HTRA3: variants seen among roughly 807,000 people sequenced by gnomAD.
HTRA3 encodes HtrA serine peptidase 3.
HTRA3 carries 41 observed loss-of-function variants against 43.2 expected under a neutral mutation model. The observed-to-expected ratio is 0.95, with a 90% CI of 0.74 to 1.23. HTRA3 has a LOEUF of 1.23. Ranked by LOEUF, HTRA3 falls within the 50% of genes most tolerant of loss-of-function variation. The pLI, the probability that HTRA3 is intolerant of heterozygous loss-of-function variation, is 0.00. For synonymous variants in HTRA3, 295 were observed against 287.9 expected (o/e 1.02, Z -0.25); for missense variants, 628 against 647.1 (o/e 0.97, Z 0.32).
rs958294355 is a variant in HTRA3 at position 8,296,886 on chromosome 4, AGACATCACAGAGTTCCCAGATCTCT to A, written c.1051+2696_1051+2720del. ...AAAGACATGTGCTTTCCCTGGTCTC[AGACATCACAGAGTTCCCAGATCTCT>A]GACATCACAGGATTCCTCGATCTCA... On this transcript the variant is annotated intron_variant, in intron 6 of 8. Coordinates refer to ENST00000307358, the MANE Select transcript of HTRA3 (RefSeq NM_053044.5). The surrounding 1 kb of genome is among the most constrained non-coding windows in gnomAD (Gnocchi z 5.3). Among the ~76,000 whole-genome samples, 6 of 152,176 alleles carry A rather than the reference AGACATCACAGAGTTCCCAGATCTCT, an allele frequency of 3.9e-5. No homozygotes were observed. Among genetic ancestry groups the A allele is most frequent in the East Asian group, 1.9e-4 (1 of 5,184 alleles).
chr4:8,298,078 C>T lies in HTRA3; in HGVS notation c.1051+3877C>T, dbSNP rs140663982. 2.9e-4 allele frequency among the ~76,000 whole-genome samples: 44 copies of T among 152,330 alleles called. No homozygotes were observed. In the East Asian group the frequency reaches 6.2e-3, roughly 21 times the overall value. On this transcript the variant is annotated intron_variant, in intron 6 of 8. Coordinates refer to ENST00000307358, the MANE Select transcript of HTRA3 (RefSeq NM_053044.5). ...CCACCTCCACCTCCGGGTCCAGCAC[C>T]GGGGCACTCGCTGCCCTGGACCGTT... is the stretch of plus-strand genomic sequence containing the variant.
intron 6 of HTRA3, among the ~76,000 whole-genome samples, chr4:8,301,596 C>A (rs1713659836): frequency 6.6e-6 from 1 of 151,948 alleles, no homozygotes; most frequent in South Asian, 2.1e-4. Context: ...TTTATTTGGT[C>A]TTTTTATAGT....
In HTRA3 at chr4:8,270,347, C is replaced by G. The variant is rs753066506; in HGVS notation, c.379C>G (p.Pro127Ala). ...GCGCCAGCTGCAGAAGGGCGCCTGCCCGTTGGGTAAGCGCTCGGGGGCCAG... is the reference window on the plus strand; with the variant it reads ...GCGCCAGCTGCAGAAGGGCGCCTGCGCGTTGGGTAAGCGCTCGGGGGCCAG... ...PVRQLQKGAC[P>A]LGLHQLSSPR... Residue 127 changes from proline (P) to alanine (A), a missense_variant, in exon 1 of 9, where the codon CCG becomes GCG. Coordinates refer to ENST00000307358, the MANE Select transcript of HTRA3 (RefSeq NM_053044.5). 1 of 1,411,198 alleles carries G rather than the reference C, an allele frequency of 7.1e-7. No individual in the cohort carries two copies. The highest frequency in any genetic ancestry group is 9.2e-7 in the Non-Finnish European group (1 of 1,089,292). The allele number at this position is 1,411,198 out of a possible 1,614,324, so 87.4% of individuals were successfully genotyped here. A position where few individuals can be genotyped will look rare whatever the true frequency, so the allele number is the denominator to read the frequency against.
At chr4:8,285,232 A>T (rs1712908402) in intron 2 of HTRA3, among the ~76,000 whole-genome samples, 1 of 152,212 alleles carries the variant, frequency 6.6e-6, no homozygotes, top group South Asian at 2.1e-4. Context: ...TCACATTCAC[A>T]GTCACATGGG....
intron 8 of HTRA3, among the ~76,000 whole-genome samples, chr4:8,305,394 C>T (rs76124960): frequency 0.012 from 1,796 of 152,376 alleles, 26 homozygotes; most frequent in African/African-American, 0.041. Flanking sequence ...CCTGCCCTCA[C>T]CCATTTTACA....
intron 1 of HTRA3, among the ~76,000 whole-genome samples, chr4:8,273,644 G>C (rs1460821742): frequency 6.6e-6 from 1 of 151,778 alleles, no homozygotes; most frequent in East Asian, 1.9e-4. Flanking sequence ...GGAGATGCCT[G>C]CTGAGCCGCC....
Position 8,294,175 on chromosome 4 carries a change from C to G in HTRA3, c.1025C>G (p.Thr342Arg), listed in dbSNP as rs772690526. 1.2e-6 allele frequency: 2 copies of G among 1,612,114 alleles called. No individual in the cohort carries two copies. The highest frequency in any genetic ancestry group is 1.1e-5 in the South Asian group (1 of 90,862). The change falls in exon 6 of 9, where the codon ACA becomes AGA. Residue 342 changes from threonine (T) to arginine (R), a missense_variant. Coordinates refer to ENST00000307358, the MANE Select transcript of HTRA3 (RefSeq NM_053044.5). ...TCAGACCGCATCACACGGTTCCTCA[C>G]AGAGTTCCAAGACAAGCAGATCAAA... ...IPSDRITRFL[T>R]EFQDKQIKDW...
Position 8,291,504 on chromosome 4 carries a change from C to T in HTRA3, c.843C>T (p.Gly281=), listed in dbSNP as rs1713240651. Residue 281 remains glycine (G), a synonymous_variant, in exon 4 of 9, where the codon GGC becomes GGT. Coordinates refer to ENST00000307358, the MANE Select transcript of HTRA3 (RefSeq NM_053044.5). ...TGIVSTAQRE[G]RELGLRDSDM... ...TCGTCAGCACTGCCCAGCGGGAGGG[C>T]AGGGAGCTGGGCCTCCGGGACTCCG... 1.9e-6 allele frequency: 3 copies of T among 1,612,610 alleles called. No individual in the cohort carries two copies. The highest frequency in any genetic ancestry group is 2.5e-6 in the Non-Finnish European group (3 of 1,179,750).
rs538469588 is a variant in HTRA3 at position 8,296,268 on chromosome 4, C to A, written c.1051+2067C>A. ...CTCCTTTGTTGTACAGGGGCTGTCC[C>A]AGTTAGTGCTGACCTCATCCCAGAA... On this transcript the variant is annotated intron_variant, in intron 6 of 8. Transcript: ENST00000307358. The surrounding 1 kb of genome is among the most constrained non-coding windows in gnomAD (Gnocchi z 5.3). 1 of 985,580 alleles carries A rather than the reference C, an allele frequency of 1.0e-6. No individual in the cohort carries two copies. Among genetic ancestry groups the A allele is most frequent in the East Asian group, 1.1e-4 (1 of 8,802 alleles). The allele number at this position is 985,580 out of a possible 1,614,324, so 61.1% of individuals were successfully genotyped here.
At chr4:8,274,274 G>C (rs532649089) in intron 1 of HTRA3, among the ~76,000 whole-genome samples, 8 of 152,216 alleles carry the variant, frequency 5.3e-5, no homozygotes, top group South Asian at 2.1e-4. Context: ...GCCTTAGCGT[G>C]GTGGGTTCCT....
At position 8,297,802 on chromosome 4, in the gene HTRA3, T is replaced by C. The variant is rs1279332927; in HGVS notation, c.1051+3601T>C. On this transcript the variant is annotated intron_variant, in intron 6 of 8. Coordinates refer to ENST00000307358, the MANE Select transcript of HTRA3 (RefSeq NM_053044.5). The surrounding 1 kb of genome is among the most constrained non-coding windows in gnomAD (Gnocchi z 5.8). ...TTTACGCCTCCAGCCTGGCCCCTCC[T>C]GCTCCAGGCTCAGACGCGCAGCTGC... Among the ~76,000 whole-genome samples the C allele has an allele frequency of 2.0e-5, 3 of 152,104 alleles. No homozygotes were observed. Among genetic ancestry groups the C allele is most frequent in the African/African-American group, 7.2e-5 (3 of 41,418 alleles).
rs12642594 is a variant in HTRA3 at position 8,279,964 on chromosome 4, A to T, written c.386-2473A>T. Among the ~76,000 whole-genome samples, 2,324 of 152,094 alleles carry T rather than the reference A, an allele frequency of 0.015. 66 individuals carry two copies. The highest frequency in any genetic ancestry group is 0.053 in the African/African-American group (2,201 of 41,472). On this transcript the variant is annotated intron_variant, in intron 1 of 8. Transcript: ENST00000307358. This position sits in a 1 kb window ranked among gnomAD's most constrained non-coding sequence, Gnocchi z 7.4. ...GGGCACACAGGAGGCACCCTGCACGAGTGGCTTGAATAAGGCTGTGAGCAG... is the reference window on the plus strand; with the variant it reads ...GGGCACACAGGAGGCACCCTGCACGTGTGGCTTGAATAAGGCTGTGAGCAG...
chr4:8,277,627 G>T (rs1410484480), intron 1 of HTRA3, among the ~76,000 whole-genome samples: 1 of 152,250 alleles, frequency 6.6e-6, no homozygotes, highest in Non-Finnish European at 1.5e-5. Flanking sequence ...CAAAGGCACA[G>T]TGACACTTAG....
At chr4:8,288,063 A>G (rs1713066475) in intron 3 of HTRA3, among the ~76,000 whole-genome samples, 1 of 152,156 alleles carries the variant, frequency 6.6e-6, no homozygotes, top group Non-Finnish European at 1.5e-5. Context: ...ATGAACGTTT[A>G]CAGCATTTGT....
intron 8 of HTRA3, among the ~76,000 whole-genome samples, chr4:8,304,849 G>A (rs561681533): frequency 3.3e-5 from 5 of 151,940 alleles, no homozygotes; most frequent in Non-Finnish European, 5.9e-5. Context: ...AGTAGAGAAG[G>A]GGTTTCACCA....
At position 8,270,002 on chromosome 4, in the gene HTRA3, G is replaced by C. The variant is rs1168958623; in HGVS notation, c.34G>C (p.Ala12Pro). The C allele has an allele frequency of 7.9e-7, 1 of 1,262,196 alleles. No homozygotes were observed. Among genetic ancestry groups the C allele is most frequent in the Admixed American group, 4.3e-5 (1 of 23,034 alleles). 78.2% of individuals were successfully genotyped at this position (1,262,196 alleles called of 1,614,324 possible). A position where few individuals can be genotyped will look rare whatever the true frequency, so the allele number is the denominator to read the frequency against. Reference sequence around the variant, plus strand: ...GCGAGCGCTGCTCCTGGCCGCGTTGGCCGCGCTGGCGCTGGCCCGGGAGCC... The same window carrying C: ...GCGAGCGCTGCTCCTGGCCGCGTTGCCCGCGCTGGCGCTGGCCCGGGAGCC... ...QARALLLAAL[A>P]ALALAREPPA... The change falls in exon 1 of 9, where the codon GCC (alanine) becomes CCC (proline). Residue 12 changes from alanine (A) to proline (P), a missense_variant. Coordinates refer to ENST00000307358, the MANE Select transcript of HTRA3 (RefSeq NM_053044.5).
intron 1 of HTRA3, among the ~76,000 whole-genome samples, chr4:8,275,495 AT>A (rs1712482708): frequency 6.6e-6 from 1 of 152,202 alleles, no homozygotes; most frequent in South Asian, 2.1e-4. Flanking sequence ...ACCAATGACA[AT>A]GCATGGAGCC....
intron 1 of HTRA3, among the ~76,000 whole-genome samples, chr4:8,270,861 T>C (rs973998497): frequency 2.6e-5 from 4 of 152,136 alleles, no homozygotes; most frequent in Non-Finnish European, 2.9e-5. Context: ...GAGAGGCTGC[T>C]TGGGGGAGAG....
At chr4:8,273,515 G>A (rs960597876) in intron 1 of HTRA3, among the ~76,000 whole-genome samples, 3 of 146,554 alleles carry the variant, frequency 2.0e-5, no homozygotes, top group Non-Finnish European at 4.5e-5. Context: ...GTCCCTTCTC[G>A]CCACCCTCCC....
Sources: allele counts gnomAD v4.1 joint callset (sites outside exome capture counted in the v4.1 genomes callset), GRCh38; gene constraint gnomAD v4.1.1; non-coding constraint Gnocchi (gnomAD v3.1); transcripts MANE v1.5; gene names NCBI Gene and HGNC (gene_info 2026-07-23, HGNC 2026-07-21).